The following CATSPERE variants were observed in gnomAD, a reference collection of about 807,000 sequenced individuals.
CATSPERE encodes the protein catsper channel auxiliary subunit epsilon.
CATSPERE carries 93 observed loss-of-function variants against 114.1 expected under a neutral mutation model. The ratio of observed to expected loss-of-function variants is 0.81; its 90% CI spans 0.69 to 0.97. The LOEUF is 0.97. CATSPERE is among the 50% of genes least tolerant of loss of function. The pLI, the probability that CATSPERE is intolerant of heterozygous loss-of-function variation, is 0.00. For missense variants in CATSPERE, 1,058 were observed against 1,131.6 expected, an observed-to-expected ratio of 0.93 and a Z score of 0.93; for synonymous variants, 341 against 384.1, an observed-to-expected ratio of 0.89 and a Z score of 1.31.
chr1:244,545,172 T>A (rs998021060), intron 8 of CATSPERE, among the ~76,000 whole-genome samples: 16 of 152,124 alleles, frequency 1.1e-4, no homozygotes, highest in African/African-American at 3.4e-4. Flanking sequence ...CCAACTCAAA[T>A]ATGGGGCCTT....
Position 244,560,746 on chromosome 1 carries a change from A to G in CATSPERE, c.1108A>G (p.Arg370Gly). 1.2e-6 allele frequency: 2 copies of G among 1,614,072 alleles called. No homozygotes were observed. The highest frequency in any genetic ancestry group is 8.5e-7 in the Non-Finnish European group (1 of 1,179,992). ...CGGATCCATTCTTCTTAAGTTTGCC[A>G]GATTAGTAACTACCACAGAACTGAA... ...YLGSILLKFA[R>G]LVTTTELKNI... Residue 370 changes from arginine to glycine, a missense_variant, in exon 10 of 22, where the codon AGA (arginine) becomes GGA (glycine). Physicochemically the swap from Arg to Gly is moderately radical, Grantham distance 125 (BLOSUM62 -2). Around this residue, in one of 2 missense-constraint regions of CATSPERE, gnomAD observed 787 missense variants for 905.6 expected, o/e 0.87. Coordinates refer to ENST00000366534, the MANE Select transcript of CATSPERE (RefSeq NM_001130957.2).
intron 8 of CATSPERE, among the ~76,000 whole-genome samples, chr1:244,520,154 C>T (rs1340631479): frequency 1.3e-5 from 2 of 152,096 alleles, no homozygotes; most frequent in African/African-American, 4.8e-5. Flanking sequence ...TCCTAATTAC[C>T]TGTTTTTTTC....
intron 2 of CATSPERE, among the ~76,000 whole-genome samples, chr1:244,475,737 A>T (rs1315164068): frequency 1.3e-5 from 2 of 150,718 alleles, no homozygotes; most frequent in African/African-American, 4.9e-5. Context: ...GGGTTTCACC[A>T]TGTTGGCCAG....
At chr1:244,603,943 T>G (rs924428205) in intron 17 of CATSPERE, among the ~76,000 whole-genome samples, 1 of 152,180 alleles carries the variant, frequency 6.6e-6, no homozygotes, top group Non-Finnish European at 1.5e-5. Flanking sequence ...TAGTGAGCTA[T>G]GATTGTGCCA....
chr1:244,528,785 C>CCACACACGCACGCGCGCACACA (rs749801424), intron 8 of CATSPERE, among the ~76,000 whole-genome samples: 47 of 130,584 alleles, frequency 3.6e-4, no homozygotes, highest in African/African-American at 1.4e-3. Flanking sequence ...CAATCCCCCA[C>CCACACACGCACGCGCGCACACA]CACACACACA....
At position 244,640,008 on chromosome 1, in the gene CATSPERE, G is replaced by A. The variant is rs202186698; in HGVS notation, c.2783G>A (p.Arg928Gln). Reference sequence around the variant, plus strand: ...ACTATTCTTGTTTTGAGCTACTTTCGGTACATGAGGATTTATAGACGATAT... The same window carrying A: ...ACTATTCTTGTTTTGAGCTACTTTCAGTACATGAGGATTTATAGACGATAT... The part of the protein sequence containing the change: ...FFTILVLSYF[R>Q]YMRIYRRYIY... The change falls in exon 22 of 22, where the codon CGG becomes CAG. Residue 928 changes from arginine to glutamine, a missense_variant. Around this residue, in one of 2 missense-constraint regions of CATSPERE, gnomAD observed 787 missense variants for 905.6 expected, o/e 0.87. Coordinates refer to ENST00000366534, the MANE Select transcript of CATSPERE (RefSeq NM_001130957.2). The A allele has an allele frequency of 8.1e-5, 125 of 1,549,944 alleles. No homozygotes were observed. Among genetic ancestry groups the A allele is most frequent in the South Asian group, 7.4e-4 (62 of 84,016 alleles).
At chr1:244,620,799 C>A (rs1167281477) in intron 20 of CATSPERE, among the ~76,000 whole-genome samples, 5 of 151,068 alleles carry the variant, frequency 3.3e-5, no homozygotes, top group African/African-American at 1.2e-4. Flanking sequence ...TATTGGAGTT[C>A]TCTAAAGACA....
At chr1:244,594,420 ACTTTATT>A (rs1668117620) in intron 17 of CATSPERE, among the ~76,000 whole-genome samples, 1 of 152,176 alleles carries the variant, frequency 6.6e-6, no homozygotes, top group East Asian at 1.9e-4. Context: ...TTCGTCTCTG[ACTTTATT>A]CTTTTATTCT....
chr1:244,566,913 G>A (rs12093280), intron 10 of CATSPERE, among the ~76,000 whole-genome samples: 9,194 of 151,798 alleles, frequency 0.061, 939 homozygotes, highest in African/African-American at 0.21. Flanking sequence ...TATTTTGCTC[G>A]TTATTTGATG....
chr1:244,578,020 A>G (rs1665550539), intron 11 of CATSPERE, among the ~76,000 whole-genome samples: 1 of 152,196 alleles, frequency 6.6e-6, no homozygotes, highest in South Asian at 2.1e-4. Context: ...AAATAAAAGG[A>G]TATATTTAAC....
chr1:244,463,979 A>G (rs931606101), intron 2 of CATSPERE, 23 bp downstream of exon 2: 5 of 1,531,178 alleles, frequency 3.3e-6, no homozygotes, highest in Non-Finnish European at 4.5e-6. Flanking sequence ...TTTTTAATAA[A>G]CTATAGTTAA....
At chr1:244,598,478 A>C (rs2148661118) in intron 17 of CATSPERE, 1 of 168,858 alleles carries the variant, frequency 5.9e-6, no homozygotes, top group Middle Eastern at 2.6e-3. Context: ...CCAGGGATGT[A>C]CTACTTGGGA....
At chr1:244,469,997 G>T (rs1041335385) in intron 2 of CATSPERE, among the ~76,000 whole-genome samples, 2 of 151,968 alleles carry the variant, frequency 1.3e-5, no homozygotes, top group Non-Finnish European at 2.9e-5. Flanking sequence ...ATACCTACAT[G>T]AAAAAAATGA....
intron 6 of CATSPERE, among the ~76,000 whole-genome samples, chr1:244,493,308 C>T (rs369512248): frequency 7.6e-4 from 115 of 152,198 alleles, no homozygotes; most frequent in African/African-American, 2.7e-3. Flanking sequence ...TATCTACAAC[C>T]ATCTGATCTT....
At chr1:244,612,366 CCTT>C (rs1670852972) in intron 19 of CATSPERE, among the ~76,000 whole-genome samples, 5 of 151,950 alleles carry the variant, frequency 3.3e-5, no homozygotes, top group African/African-American at 1.2e-4. Context: ...GCTACATAGT[CCTT>C]CTGATTCTAG....
chr1:244,621,717 C>T (rs1175140589), intron 20 of CATSPERE, among the ~76,000 whole-genome samples: 1 of 151,972 alleles, frequency 6.6e-6, no homozygotes, highest in Non-Finnish European at 1.5e-5. Flanking sequence ...TATAAGAGAG[C>T]TCTGAAAGTA....
chr1:244,593,361 G>A (rs765635214), intron 15 of CATSPERE, 34 bp from the exon 16 acceptor site: 1 of 1,608,424 alleles, frequency 6.2e-7, no homozygotes, highest in East Asian at 2.2e-5. Context: ...TTGAAAAGAG[G>A]AAAGAGAAAT....
At chr1:244,585,746 A>G (rs1294720459) in intron 13 of CATSPERE, among the ~76,000 whole-genome samples, 1 of 152,260 alleles carries the variant, frequency 6.6e-6, no homozygotes, top group Non-Finnish European at 1.5e-5. Flanking sequence ...CTATTTGAAT[A>G]GGAGCCTGTT....
intron 10 of CATSPERE, among the ~76,000 whole-genome samples, chr1:244,566,652 C>CTTTTTTTTTT (rs59466928): frequency 2.6e-4 from 13 of 49,106 alleles, no homozygotes; most frequent in Non-Finnish European, 4.2e-4. Flanking sequence ...GCAACCCCTG[C>CTTTTTTTTTT]TTTTTTTTTT....
Sources: gnomAD v4.1 joint callset for allele counts (sites outside exome capture counted in the v4.1 genomes callset) on GRCh38, gnomAD v4.1.1 for gene constraint, gnomAD v4.1.1 regional missense constraint, MANE v1.5 for transcripts, NCBI Gene and HGNC (gene_info 2026-07-23, HGNC 2026-07-21) for gene names.